The following ENPP2 variants were observed in gnomAD, a reference collection of about 807,000 sequenced individuals.
ENPP2 encodes the protein autotaxin.
Under a neutral mutation model 120.2 loss-of-function variants are expected in ENPP2, and 51 were observed. The ratio of observed to expected loss-of-function variants is 0.42; its 90% confidence interval spans 0.34 to 0.54. The LOEUF is 0.54. ENPP2 is among the 20% of genes least tolerant of loss of function. The pLI is 0.04. For missense variants in ENPP2, 920 were observed against 1,066.5 expected (o/e 0.86, Z 1.91); for synonymous variants, 365 against 366.4 (o/e 1.00, Z 0.04).
chr8:119,593,660 G>T, intron 12 of ENPP2, 92 bp downstream of exon 12: 1 of 810,698 alleles, frequency 1.2e-6, no homozygotes, highest in Non-Finnish European at 2.1e-6. Context: ...TAAGAATGGA[G>T]TCTTGGCTTC....
At chr8:119,609,908 T>C (rs1303558272) in intron 8 of ENPP2, among the ~76,000 whole-genome samples, 1 of 152,140 alleles carries the variant, frequency 6.6e-6, no homozygotes, top group Non-Finnish European at 1.5e-5. Flanking sequence ...ACCTGCACTT[T>C]CAAAAAGTAT....
Position 119,584,009 on chromosome 8 carries a change from A to G in ENPP2, c.1408T>C (p.Phe470Leu), listed in dbSNP as rs1300360889. ...DVYKKPSGKC[F>L]FQGDHGFDNK... ...TCAAATCCGTGGTCTCCCTGGAAAA[A>G]GCATTTTCCTGATGGTTTCTTATAA... is the stretch of plus-strand genomic sequence containing the variant. The change falls in exon 16 of 25, where the codon TTT becomes CTT. Residue 470 changes from phenylalanine to leucine, a missense_variant. Physicochemically the swap from Phe to Leu is conservative, Grantham distance 22. Transcript: ENST00000075322. The G allele has an allele frequency of 6.2e-7, 1 of 1,613,354 alleles. No individual in the cohort carries two copies. The highest frequency in any genetic ancestry group is 8.5e-7 in the Non-Finnish European group (1 of 1,179,458).
intron 19 of ENPP2, among the ~76,000 whole-genome samples, chr8:119,576,278 CAG>C (rs1301259228): frequency 6.6e-6 from 1 of 152,182 alleles, no homozygotes; most frequent in Non-Finnish European, 1.5e-5. Flanking sequence ...GCTGGGATTA[CAG>C]GTGGATGCCA....
intron 2 of ENPP2, among the ~76,000 whole-genome samples, chr8:119,638,057 T>C: frequency 6.6e-6 from 1 of 152,330 alleles, no homozygotes; most frequent in Admixed American, 6.5e-5. Flanking sequence ...TAGTGGCAAA[T>C]ACTACATCCT....
chr8:119,672,423 T>A (rs1331637414), intron 1 of ENPP2, among the ~76,000 whole-genome samples: 1 of 152,144 alleles, frequency 6.6e-6, no homozygotes, highest in Non-Finnish European at 1.5e-5. Context: ...CTTCACTTGT[T>A]AAAATGAAAC....
At chr8:119,648,659 C>A (rs1375753483) in intron 1 of ENPP2, among the ~76,000 whole-genome samples, 1 of 152,228 alleles carries the variant, frequency 6.6e-6, no homozygotes, top group Non-Finnish European at 1.5e-5. Context: ...ACTGCCATTT[C>A]TGTGATTCCC....
At chr8:119,657,278 T>C (rs576963982) in intron 1 of ENPP2, among the ~76,000 whole-genome samples, 3 of 152,294 alleles carry the variant, frequency 2.0e-5, no homozygotes, top group Admixed American at 6.5e-5. Context: ...TGAAATAATT[T>C]GATCAAGGCC....
chr8:119,561,344 G>C (rs756342897), intron 24 of ENPP2, among the ~76,000 whole-genome samples: 1 of 152,076 alleles, frequency 6.6e-6, no homozygotes, highest in Admixed American at 6.6e-5. Flanking sequence ...GGCTGCCTAG[G>C]AATAGTGACT....
intron 11 of ENPP2, among the ~76,000 whole-genome samples, chr8:119,598,873 C>T (rs911331785): frequency 6.6e-6 from 1 of 152,108 alleles, no homozygotes; most frequent in South Asian, 2.1e-4. Flanking sequence ...AGCAGCCAAG[C>T]GAAAGTACCG....
intron 11 of ENPP2, among the ~76,000 whole-genome samples, chr8:119,600,006 C>CAAA (rs58150510): frequency 4.3e-5 from 3 of 68,996 alleles, no homozygotes; most frequent in Non-Finnish European, 6.5e-5. Context: ...GACTCTGTCT[C>CAAA]AAAAAAAAAA....
Position 119,617,468 on chromosome 8 carries a change from A to C in ENPP2, c.575T>G (p.Leu192Arg). ...CACAGAGTATGGAAATTACTTACTT[A>C]GTTTTTCAATATTAGGCATGACTTT... is the stretch of plus-strand genomic sequence containing the variant. ...GSKVMPNIEK[L>R]RSCGTHSPYM... Residue 192 changes from leucine to arginine, a missense_variant and splice_region_variant, in exon 6 of 25, where the codon CTA (leucine) becomes CGA (arginine). Physicochemically the swap from Leu to Arg is moderately radical, Grantham distance 102 (BLOSUM62 -2). Transcript: ENST00000075322. 2 of 1,590,476 alleles carry C rather than the reference A, an allele frequency of 1.3e-6. No homozygotes were observed.
chr8:119,605,006 C>A (rs1814599104), intron 9 of ENPP2, among the ~76,000 whole-genome samples: 1 of 152,126 alleles, frequency 6.6e-6, no homozygotes, highest in African/African-American at 2.4e-5. Context: ...ATCTCCTGAC[C>A]TTGTGATCCA....
intron 15 of ENPP2, 72 bp downstream of exon 15, chr8:119,586,114 G>T: frequency 1.3e-6 from 2 of 1,494,622 alleles, no homozygotes; most frequent in Non-Finnish European, 1.8e-6. Flanking sequence ...GACTAAGGAT[G>T]ATAAAATATT....
At chr8:119,587,226 G>T in intron 13 of ENPP2, 151 bp from the exon 14 acceptor site, 1 of 694,954 alleles carries the variant, frequency 1.4e-6, no homozygotes, top group Non-Finnish European at 2.5e-6. Flanking sequence ...AATTGTGTAG[G>T]GGTATTTAAC....
intron 9 of ENPP2, 46 bp from the exon 10 acceptor site, chr8:119,601,508 G>T (rs775700071): frequency 4.2e-6 from 6 of 1,439,134 alleles, no homozygotes; most frequent in Middle Eastern, 1.7e-4. Context: ...TTTCATTTCC[G>T]CAAACTCAAG....
intron 13 of ENPP2, among the ~76,000 whole-genome samples, chr8:119,589,345 C>T: frequency 6.6e-6 from 1 of 152,178 alleles, no homozygotes; most frequent in Middle Eastern, 3.2e-3. Flanking sequence ...AATGAAACCA[C>T]ATTGGAAAGT....
chr8:119,600,006 CAAAAA>C (rs58150510), intron 11 of ENPP2, among the ~76,000 whole-genome samples: 2 of 69,000 alleles, frequency 2.9e-5, no homozygotes, highest in Non-Finnish European at 6.5e-5. Flanking sequence ...GACTCTGTCT[CAAAAA>C]AAAAAAAAAA....
At chr8:119,623,532 A>G (rs1197001390) in intron 3 of ENPP2, among the ~76,000 whole-genome samples, 1 of 152,140 alleles carries the variant, frequency 6.6e-6, no homozygotes, top group African/African-American at 2.4e-5. Context: ...CCTTTTGGTA[A>G]ATCATTAGCC....
chr8:119,570,727 G>A lies in ENPP2; in HGVS notation c.1895C>T (p.Thr632Ile), dbSNP rs770672175. ...GACCTGTTTGGAAACAGTATATGAT[G>A]TCCAGAGTGGCATTAGGAATATTTC... Reference protein sequence around the residue: ...YSEIFLMPLWTSYTVSKQAEV... With the variant: ...YSEIFLMPLWISYTVSKQAEV... Residue 632 changes from threonine to isoleucine, a missense_variant, in exon 20 of 25, where the codon ACA becomes ATA. By Grantham distance (89) the Thr-to-Ile change is moderately conservative. Coordinates refer to ENST00000075322, the MANE Select transcript of ENPP2 (RefSeq NM_001040092.3). 1 of 1,580,924 alleles carries A rather than the reference G, an allele frequency of 6.3e-7. No individual in the cohort carries two copies. Among genetic ancestry groups the A allele is most frequent in the African/African-American group, 1.4e-5 (1 of 73,566 alleles).
Sources: allele counts gnomAD v4.1 joint callset (sites outside exome capture counted in the v4.1 genomes callset), GRCh38; gene constraint gnomAD v4.1.1; transcripts MANE v1.5; gene names NCBI Gene and HGNC (gene_info 2026-07-23, HGNC 2026-07-21).